Variants in IGFBP7 observed in about 807,000 individuals in gnomAD.
IGFBP7 encodes insulin like growth factor binding protein 7.
IGFBP7 carries 31 observed loss-of-function variants against 29.4 expected under a neutral mutation model. The observed-to-expected ratio is 1.05, with a 90% CI of 0.79 to 1.42. The LOEUF (loss-of-function observed/expected upper bound fraction) is 1.42, where lower values mean the gene tolerates loss of function less well. IGFBP7 is among the 40% of genes most tolerant of loss of function. The pLI is 0.00. For missense variants in IGFBP7, 393 were observed against 395.5 expected (o/e 0.99, Z 0.05); for synonymous variants, 172 against 174.9 (o/e 0.98, Z 0.13).
chr4:57,053,740 T>A (rs1445759139), intron 1 of IGFBP7, among the ~76,000 whole-genome samples: 1 of 152,122 alleles, frequency 6.6e-6, no homozygotes, highest in African/African-American at 2.4e-5. Context: ...AGAACTGACT[T>A]TATAGAGAGT....
intron 1 of IGFBP7, chr4:57,072,636 G>A (rs1168491248): frequency 3.2e-5 from 6 of 188,150 alleles, no homozygotes; most frequent in Middle Eastern, 1.8e-3. Flanking sequence ...CACCACCAGC[G>A]TTGCTGCTGC....
intron 1 of IGFBP7, among the ~76,000 whole-genome samples, chr4:57,046,106 G>A (rs1038551702): frequency 3.3e-5 from 5 of 152,080 alleles, no homozygotes; most frequent in South Asian, 4.2e-4. Context: ...ATAAGCAAGC[G>A]ACTTAATGGT....
intron 2 of IGFBP7, among the ~76,000 whole-genome samples, chr4:57,035,275 T>G (rs1371996441): frequency 2.0e-5 from 3 of 152,238 alleles, no homozygotes; most frequent in Non-Finnish European, 2.9e-5. Context: ...ATATACTTTA[T>G]TTTTCCCTTC....
chr4:57,077,109 T>C (rs981561251), intron 1 of IGFBP7, among the ~76,000 whole-genome samples: 2 of 133,750 alleles, frequency 1.5e-5, no homozygotes, highest in Non-Finnish European at 3.2e-5. Context: ...TATGTCAGTA[T>C]AGTGTGGAAA....
intron 1 of IGFBP7, among the ~76,000 whole-genome samples, chr4:57,093,690 C>A (rs1019405341): frequency 6.6e-6 from 1 of 151,996 alleles, no homozygotes; most frequent in East Asian, 1.9e-4. Context: ...TTTTCCTTAG[C>A]ATTTACTAAG....
chr4:57,046,893 C>G (rs1400582123), intron 1 of IGFBP7, among the ~76,000 whole-genome samples: 1 of 152,208 alleles, frequency 6.6e-6, no homozygotes, highest in Non-Finnish European at 1.5e-5. Flanking sequence ...TTCCTTTTAC[C>G]TTACACACTC....
intron 1 of IGFBP7, among the ~76,000 whole-genome samples, chr4:57,082,533 GAAAGA>G (rs1450219784): frequency 6.6e-6 from 1 of 152,088 alleles, no homozygotes; most frequent in African/African-American, 2.4e-5. Context: ...TTAGAAGAAG[GAAAGA>G]AAAGAACCTT....
intron 2 of IGFBP7, among the ~76,000 whole-genome samples, chr4:57,039,597 C>A (rs970166308): frequency 2.6e-5 from 4 of 151,954 alleles, no homozygotes; most frequent in African/African-American, 7.3e-5. Context: ...GCTGAGAAAC[C>A]CTGACTTGCA....
At chr4:57,042,696 C>T (rs1029016751) in intron 1 of IGFBP7, among the ~76,000 whole-genome samples, 2 of 152,148 alleles carry the variant, frequency 1.3e-5, no homozygotes, top group Admixed American at 6.5e-5. Context: ...TATTTCATGA[C>T]GTGTGAAAAT....
chr4:57,055,888 G>A (rs1724657019), intron 1 of IGFBP7, among the ~76,000 whole-genome samples: 1 of 152,004 alleles, frequency 6.6e-6, no homozygotes, highest in Non-Finnish European at 1.5e-5. Flanking sequence ...GCAAGGAGGA[G>A]GTTGAATAAA....
At chr4:57,064,284 T>A (rs1287343230) in intron 1 of IGFBP7, among the ~76,000 whole-genome samples, 1 of 152,230 alleles carries the variant, frequency 6.6e-6, no homozygotes, top group Non-Finnish European at 1.5e-5. Context: ...AGCCTAGTGA[T>A]CTTCCCACCT....
intron 4 of IGFBP7, chr4:57,032,202 A>ATAAG (rs1194495605): frequency 1.7e-6 from 2 of 1,200,234 alleles, no homozygotes; most frequent in Non-Finnish European, 1.1e-6. Flanking sequence ...TACATGTTAG[A>ATAAG]TAAGGTAAAA....
intron 1 of IGFBP7, among the ~76,000 whole-genome samples, chr4:57,055,751 T>C (rs1724652862): frequency 6.6e-6 from 1 of 151,952 alleles, no homozygotes; most frequent in Admixed American, 6.6e-5. Flanking sequence ...CTGTTCTGTA[T>C]GGAGATGGGG....
At chr4:57,101,773 A>G (rs142778919) in intron 1 of IGFBP7, among the ~76,000 whole-genome samples, 7 of 137,566 alleles carry the variant, frequency 5.1e-5, no homozygotes, top group African/African-American at 1.9e-4. Context: ...GTCTTGATTG[A>G]CCTGGAAAAG....
rs759648654 is a variant in IGFBP7 at position 57,033,235 on chromosome 4, C to G, written c.662G>C (p.Arg221Pro). ...GDRDNLAIQT[R>P]GGPEKHEVTG... is the part of the protein sequence containing the mutation. ...TACTTCATGCTTTTCTGGGCCACCC[C>G]GGGTCTGAATGGCCAGGTTGTCCCG... Residue 221 changes from arginine to proline, a missense_variant, in exon 3 of 5, where the codon CGG becomes CCG. By Grantham distance (103) the Arg-to-Pro change is moderately radical (BLOSUM62 -2). Transcript: ENST00000295666. 1.9e-6 allele frequency: 3 copies of G among 1,613,938 alleles called. No homozygotes were observed. Among genetic ancestry groups the G allele is most frequent in the South Asian group, 1.1e-5 (1 of 91,088 alleles).
Position 57,093,374 on chromosome 4 carries a change from C to A in IGFBP7, c.475+16503G>T, listed in dbSNP as rs146035305. Among the ~76,000 whole-genome samples the A allele has an allele frequency of 5.0e-3, 761 of 152,072 alleles. 7 individuals carry two copies. Among genetic ancestry groups the A allele is most frequent in the African/African-American group, 0.017 (712 of 41,482 alleles). On this transcript the variant is annotated intron_variant, in intron 1 of 4. Coordinates refer to ENST00000295666, the MANE Select transcript of IGFBP7 (RefSeq NM_001553.3). ...AATTAGCTGGGTGTGGTGGTAGGCACCTGTAGTCCCAGTTACTCAGGAGGC... is the reference window on the plus strand; with the variant it reads ...AATTAGCTGGGTGTGGTGGTAGGCAACTGTAGTCCCAGTTACTCAGGAGGC...
intron 1 of IGFBP7, among the ~76,000 whole-genome samples, chr4:57,055,057 C>T (rs1042948662): frequency 6.6e-5 from 10 of 152,212 alleles, no homozygotes; most frequent in Admixed American, 4.6e-4. Flanking sequence ...TAGGGTGACC[C>T]TCTTAGACCA....
At chr4:57,093,384 C>A (rs1725684378) in intron 1 of IGFBP7, among the ~76,000 whole-genome samples, 1 of 151,776 alleles carries the variant, frequency 6.6e-6, no homozygotes, top group African/African-American at 2.4e-5. Context: ...CCTGTAGTCC[C>A]AGTTACTCAG....
At chr4:57,089,356 C>A (rs533429030) in intron 1 of IGFBP7, among the ~76,000 whole-genome samples, 27 of 152,156 alleles carry the variant, frequency 1.8e-4, no homozygotes, top group Non-Finnish European at 2.6e-4. Flanking sequence ...TAAATTAAAT[C>A]AGGCAGGAAC....
Sources: allele counts gnomAD v4.1 joint callset (sites outside exome capture counted in the v4.1 genomes callset), GRCh38; gene constraint gnomAD v4.1.1; transcripts MANE v1.5; gene names NCBI Gene and HGNC (gene_info 2026-07-23, HGNC 2026-07-21).